Variants in PTPRA observed in about 807,000 individuals in gnomAD.
PTPRA encodes receptor-type tyrosine-protein phosphatase alpha.
Under a neutral mutation model 104.8 loss-of-function variants are expected in PTPRA, and 25 were observed. The ratio of observed to expected loss-of-function variants is 0.24; its 90% CI spans 0.17 to 0.33. PTPRA has a LOEUF of 0.33. Among genes scored for constraint, PTPRA ranks in the 10% least tolerant of loss-of-function variants. The pLI is 1.00. For synonymous variants in PTPRA, 323 were observed against 368.9 expected, an observed-to-expected ratio of 0.88 and a Z score of 1.43; for missense variants, 765 against 1,015.3, an observed-to-expected ratio of 0.75 and a Z score of 3.35.
intron 6 of PTPRA, among the ~76,000 whole-genome samples, chr20:2,985,407 G>A (rs1410919596): frequency 6.6e-6 from 1 of 152,216 alleles, no homozygotes; most frequent in African/African-American, 2.4e-5. Flanking sequence ...TGACAGCAGT[G>A]GATGTAATCC....
At chr20:2,915,058 T>G (rs1330203070) in intron 1 of PTPRA, among the ~76,000 whole-genome samples, 1 of 152,158 alleles carries the variant, frequency 6.6e-6, no homozygotes, top group African/African-American at 2.4e-5. Context: ...GTTTATAGCA[T>G]GTATCAGTAC....
intron 3 of PTPRA, among the ~76,000 whole-genome samples, chr20:2,949,943 T>A (rs2061298206): frequency 6.6e-6 from 1 of 152,114 alleles, no homozygotes; most frequent in African/African-American, 2.4e-5. Flanking sequence ...GGATCATGAT[T>A]TATCTTTTTT....
At chr20:3,019,768 C>T (rs1239479056) in intron 13 of PTPRA, among the ~76,000 whole-genome samples, 3 of 152,196 alleles carry the variant, frequency 2.0e-5, no homozygotes, top group South Asian at 2.1e-4. Flanking sequence ...CGCCACTGCA[C>T]TCCAGCCTGG....
chr20:3,036,676 C>T (rs2065814907), intron 22 of PTPRA, among the ~76,000 whole-genome samples: 1 of 152,224 alleles, frequency 6.6e-6, no homozygotes, highest in Non-Finnish European at 1.5e-5. Flanking sequence ...GTGAGTGAAT[C>T]AGCTGATGAC....
At chr20:2,927,866 C>T (rs1050435575) in intron 2 of PTPRA, among the ~76,000 whole-genome samples, 13 of 151,862 alleles carry the variant, frequency 8.6e-5, no homozygotes, top group Admixed American at 7.9e-4. Context: ...AAAAATTAGC[C>T]AGGCGTGGTG....
At chr20:2,930,131 C>T (rs1644573129) in intron 2 of PTPRA, among the ~76,000 whole-genome samples, 1 of 152,092 alleles carries the variant, frequency 6.6e-6, no homozygotes, top group Admixed American at 6.6e-5. Flanking sequence ...TATGGCAGCC[C>T]TACCAAATGA....
chr20:3,005,978 C>T lies in PTPRA; in HGVS notation c.829+832C>T, dbSNP rs144109976. Among the ~76,000 whole-genome samples the T allele has an allele frequency of 3.7e-3, 549 of 149,220 alleles. 6 individuals are homozygous for T. Among genetic ancestry groups the T allele is most frequent in the African/African-American group, 0.013 (512 of 40,490 alleles). ...GAACCTCACTTGATTTTTATATTTG[C>T]TTTTCAAAAAAAAAAAATTCCTAAT... is the stretch of plus-strand genomic sequence containing the variant. On this transcript the variant is annotated intron_variant, in intron 10 of 23. Coordinates refer to ENST00000399903, the MANE Select transcript of PTPRA (RefSeq NM_001385305.1).
Position 3,037,368 on chromosome 20 carries a change from C to T in PTPRA, c.2334+79C>T, listed in dbSNP as rs1200807605. Reference sequence around the variant, plus strand: ...CAGGGAGGAGGCTCTTCAGAGGGGCCCACCCAGTAGTCAGAAGACTGTCTA... The same window carrying T: ...CAGGGAGGAGGCTCTTCAGAGGGGCTCACCCAGTAGTCAGAAGACTGTCTA... On this transcript the variant is annotated intron_variant, in intron 23 of 23. Transcript: ENST00000399903. The surrounding 1 kb of genome is among the most constrained non-coding windows in gnomAD (Gnocchi z 4.3). The T allele has an allele frequency of 3.2e-6, 5 of 1,574,900 alleles. No individual in the cohort carries two copies. Among genetic ancestry groups the T allele is most frequent in the Non-Finnish European group, 4.3e-6 (5 of 1,161,978 alleles).
intron 1 of PTPRA, among the ~76,000 whole-genome samples, chr20:2,874,799 G>A (rs2089606030): frequency 6.6e-6 from 1 of 152,148 alleles, no homozygotes; most frequent in African/African-American, 2.4e-5. Context: ...GTCATACAAA[G>A]CCCTTGACAA....
At chr20:3,019,481 G>T (rs1453307457) in intron 13 of PTPRA, among the ~76,000 whole-genome samples, 3 of 151,790 alleles carry the variant, frequency 2.0e-5, no homozygotes, top group Non-Finnish European at 4.4e-5. Flanking sequence ...GGACGGGGCG[G>T]CAGGGCAGAG....
intron 9 of PTPRA, among the ~76,000 whole-genome samples, chr20:2,998,438 G>A (rs2063491720): frequency 6.6e-6 from 1 of 152,178 alleles, no homozygotes; most frequent in South Asian, 2.1e-4. Context: ...AAGTGAATCA[G>A]AGTCACAGTC....
Position 2,883,607 on chromosome 20 carries a change from G to A in PTPRA, c.-129+9847G>A, listed in dbSNP as rs1423678464. ...GCGGAGCTTGCAGTGAGCCGAGATC[G>A]CGCCACTGCACTCCAGCCTGGGCGA... On this transcript the variant is annotated intron_variant, in intron 1 of 23. Transcript: ENST00000399903. Among the ~76,000 whole-genome samples, 3 of 21,332 alleles carry A rather than the reference G, an allele frequency of 1.4e-4. 1 individual carries two copies. The highest frequency in any genetic ancestry group is 6.3e-5 in the Non-Finnish European group (1 of 15,960). 14.0% of individuals were successfully genotyped at this position (21,332 alleles called of 152,430 possible).
intron 9 of PTPRA, among the ~76,000 whole-genome samples, chr20:3,002,329 T>C (rs2063669960): frequency 6.7e-6 from 1 of 149,562 alleles, no homozygotes; most frequent in South Asian, 2.1e-4. Flanking sequence ...GTAATTTTTT[T>C]TTTTTTTTTT....
At chr20:2,948,778 T>C (rs564369068) in intron 3 of PTPRA, among the ~76,000 whole-genome samples, 90 of 151,830 alleles carry the variant, frequency 5.9e-4, no homozygotes, top group Non-Finnish European at 6.8e-4. Flanking sequence ...AGTGAAACCC[T>C]GTCTGTACTA....
chr20:3,037,971 C>A lies in PTPRA; in HGVS notation c.2335-88C>A. ...CATTCAGTTCCTCTTGATTTTCCAT[C>A]TTCAACAAAAAAATGAGTCTGTTAG... On this transcript the variant is annotated intron_variant, in intron 23 of 23. Coordinates refer to ENST00000399903, the MANE Select transcript of PTPRA (RefSeq NM_001385305.1). The surrounding 1 kb of genome is among the most constrained non-coding windows in gnomAD (Gnocchi z 4.3). 2 of 1,171,248 alleles carry A rather than the reference C, an allele frequency of 1.7e-6. No homozygotes were observed. Among genetic ancestry groups the A allele is most frequent in the South Asian group, 1.3e-5 (1 of 76,392 alleles). 72.6% of individuals were successfully genotyped at this position (1,171,248 alleles called of 1,614,324 possible).
Position 3,035,861 on chromosome 20 carries a change from A to C in PTPRA, c.2118A>C (p.Gly706=), listed in dbSNP as rs1304905839. ...CTGAAGTGGGCATCCCCAGTGACGGAAAGGGCATGATCAGCATCATCGCCG... is the reference window on the plus strand; with the variant it reads ...CTGAAGTGGGCATCCCCAGTGACGGCAAGGGCATGATCAGCATCATCGCCG... ...GWPEVGIPSD[G]KGMISIIAAV... The change falls in exon 22 of 24, where the codon GGA becomes GGC. Residue 706 remains glycine (G), a synonymous_variant. Transcript: ENST00000399903. The surrounding 1 kb of genome is among the most constrained non-coding windows in gnomAD (Gnocchi z 5.8). 9 of 1,614,162 alleles carry C rather than the reference A, an allele frequency of 5.6e-6. No individual in the cohort carries two copies. Among genetic ancestry groups the C allele is most frequent in the East Asian group, 2.2e-5 (1 of 44,880 alleles).
chr20:3,037,676 A>G lies in PTPRA; in HGVS notation c.2335-383A>G, dbSNP rs2065869034. Among the ~76,000 whole-genome samples, 1 of 152,200 alleles carries G rather than the reference A, an allele frequency of 6.6e-6. No homozygotes were observed. Among genetic ancestry groups the G allele is most frequent in the Non-Finnish European group, 1.5e-5 (1 of 68,036 alleles). Reference sequence around the variant, plus strand: ...TTTCCTGAATCCCATGGAGCTAGAAATGTTTGGGGGGTAAAGAAAAGTGAA... The same window carrying G: ...TTTCCTGAATCCCATGGAGCTAGAAGTGTTTGGGGGGTAAAGAAAAGTGAA... On this transcript the variant is annotated intron_variant, in intron 23 of 23. Coordinates refer to ENST00000399903, the MANE Select transcript of PTPRA (RefSeq NM_001385305.1). The surrounding 1 kb of genome is among the most constrained non-coding windows in gnomAD (Gnocchi z 4.3).
chr20:2,883,781 A>G (rs185234810), intron 1 of PTPRA, among the ~76,000 whole-genome samples: 28 of 151,878 alleles, frequency 1.8e-4, no homozygotes, highest in Admixed American at 1.4e-3. Flanking sequence ...CCTTTTTAAA[A>G]TGTACAGTTC....
chr20:2,983,080 A>C (rs2062756187), intron 6 of PTPRA, among the ~76,000 whole-genome samples: 1 of 152,220 alleles, frequency 6.6e-6, no homozygotes, highest in African/African-American at 2.4e-5. Flanking sequence ...AATACGCAGA[A>C]TAACTTATTT....
Sources: gnomAD v4.1 joint callset for allele counts (sites outside exome capture counted in the v4.1 genomes callset) on GRCh38, gnomAD v4.1.1 for gene constraint, Gnocchi (gnomAD v3.1) non-coding constraint, MANE v1.5 for transcripts, NCBI Gene and HGNC (gene_info 2026-07-23, HGNC 2026-07-21) for gene names.